DPYSL3: variants seen among roughly 807,000 people sequenced by gnomAD.
DPYSL3 encodes dihydropyrimidinase like 3.
DPYSL3 carries 16 observed loss-of-function variants against 66.1 expected under a neutral mutation model. That is an observed-to-expected ratio of 0.24 (90% CI 0.16 to 0.37). The LOEUF (loss-of-function observed/expected upper bound fraction) is 0.37, where lower values mean the gene tolerates loss of function less well. Among genes scored for constraint, DPYSL3 ranks in the 10% least tolerant of loss-of-function variants. DPYSL3 has a pLI of 1.00. For missense variants in DPYSL3, 738 were observed against 916.2 expected, an observed-to-expected ratio of 0.81 and a Z score of 2.51; for synonymous variants, 338 against 345.1, an observed-to-expected ratio of 0.98 and a Z score of 0.23.
chr5:147,489,604 C>T (rs1244107072), intron 1 of DPYSL3, among the ~76,000 whole-genome samples: 2 of 152,154 alleles, frequency 1.3e-5, no homozygotes, highest in Non-Finnish European at 2.9e-5. Flanking sequence ...CCTTGAACCT[C>T]ATATTTGTGC....
chr5:147,460,501 A>G (rs936770456), intron 1 of DPYSL3, among the ~76,000 whole-genome samples: 3 of 152,188 alleles, frequency 2.0e-5, no homozygotes, highest in Non-Finnish European at 2.9e-5. Context: ...TGATTAAGTT[A>G]AGGATCTTGA....
intron 1 of DPYSL3, among the ~76,000 whole-genome samples, chr5:147,476,758 AC>A (rs1277976224): frequency 3.9e-5 from 6 of 152,158 alleles, no homozygotes; most frequent in Admixed American, 3.9e-4. Flanking sequence ...ACAATAGAAG[AC>A]CCTCAGGTAA....
chr5:147,510,012 C>G lies in DPYSL3; in HGVS notation c.-154G>C, dbSNP rs1409566710. 5.5e-6 allele frequency: 7 copies of G among 1,264,028 alleles called. No homozygotes were observed. The highest frequency in any genetic ancestry group is 7.3e-6 in the Non-Finnish European group (7 of 953,400). 78.3% of individuals were successfully genotyped at this position (1,264,028 alleles called of 1,614,324 possible). A position where few individuals can be genotyped will look rare whatever the true frequency, so the allele number is the denominator to read the frequency against. On this transcript the variant is annotated 5_prime_UTR_variant, in exon 1 of 14. Transcript: ENST00000343218. ...CAGTGCTGCTCCGATTCCTGCTTGT[C>G]CCTAGCGAGCCAGCGAGCCACACAG...
intron 1 of DPYSL3, among the ~76,000 whole-genome samples, chr5:147,495,613 CAGAG>C (rs771189990): frequency 3.2e-4 from 49 of 152,256 alleles, no homozygotes; most frequent in African/African-American, 1.1e-3. Flanking sequence ...AACAGACAAA[CAGAG>C]AGCCAAATCA....
At chr5:147,443,519 T>C (rs928702915) in intron 1 of DPYSL3, among the ~76,000 whole-genome samples, 8 of 150,468 alleles carry the variant, frequency 5.3e-5, no homozygotes, top group Non-Finnish European at 7.4e-5. Flanking sequence ...AGAGGATGGG[T>C]CAATAGGTGC....
intron 1 of DPYSL3, among the ~76,000 whole-genome samples, chr5:147,466,861 A>G (rs1276037584): frequency 1.3e-5 from 2 of 152,066 alleles, no homozygotes; most frequent in African/African-American, 4.8e-5. Context: ...TTTGCGGGGG[A>G]AAGTAGGGAT....
chr5:147,434,763 G>A (rs1752386576), intron 1 of DPYSL3, among the ~76,000 whole-genome samples: 1 of 152,052 alleles, frequency 6.6e-6, no homozygotes, highest in Non-Finnish European at 1.5e-5. Flanking sequence ...ACAGGGAGGG[G>A]ATGAACTGGT....
chr5:147,409,831 C>T (rs560721595), intron 6 of DPYSL3, among the ~76,000 whole-genome samples: 113 of 152,298 alleles, frequency 7.4e-4, no homozygotes, highest in East Asian at 7.7e-4. Flanking sequence ...CAAGCCTAGT[C>T]TCACTTTGAA....
At chr5:147,477,850 G>A (rs921369068) in intron 1 of DPYSL3, among the ~76,000 whole-genome samples, 3 of 151,870 alleles carry the variant, frequency 2.0e-5, no homozygotes, top group African/African-American at 7.3e-5. Flanking sequence ...CCAAAGTGCT[G>A]GGATTACAGG....
intron 1 of DPYSL3, chr5:147,453,802 C>G: frequency 8.0e-7 from 1 of 1,250,678 alleles, no homozygotes; most frequent in Non-Finnish European, 1.0e-6. Context: ...TCACCCCCGC[C>G]CCCCCACGCA....
At chr5:147,434,823 G>A (rs1198096409) in intron 1 of DPYSL3, among the ~76,000 whole-genome samples, 4 of 152,116 alleles carry the variant, frequency 2.6e-5, no homozygotes, top group Non-Finnish European at 1.5e-5. Context: ...TGTCCTAGAC[G>A]ATACTGCAAT....
At chr5:147,400,557 T>A (rs764534381) in intron 10 of DPYSL3, 135 bp downstream of exon 10, 21 of 1,236,566 alleles carry the variant, frequency 1.7e-5, no homozygotes, top group Non-Finnish European at 2.4e-5. Flanking sequence ...AGCCACATGG[T>A]TCCAGAGACA....
chr5:147,404,173 T>C (rs1758273770), intron 8 of DPYSL3, among the ~76,000 whole-genome samples: 1 of 152,224 alleles, frequency 6.6e-6, no homozygotes. Context: ...GCTGCTTTCC[T>C]GGTTCTCGCC....
intron 1 of DPYSL3, chr5:147,453,533 C>G: frequency 6.6e-7 from 1 of 1,525,294 alleles, no homozygotes; most frequent in South Asian, 1.2e-5. Flanking sequence ...GAGGGAGCAG[C>G]GGCGCCCGGA....
intron 1 of DPYSL3, among the ~76,000 whole-genome samples, chr5:147,439,801 T>C (rs921798283): frequency 1.3e-5 from 2 of 152,208 alleles, no homozygotes; most frequent in Non-Finnish European, 2.9e-5. Context: ...ACAGCTAATA[T>C]ACAGTTAGCT....
chr5:147,426,074 AT>A (rs1324535595), intron 1 of DPYSL3, among the ~76,000 whole-genome samples: 2 of 152,120 alleles, frequency 1.3e-5, no homozygotes, highest in African/African-American at 2.4e-5. Flanking sequence ...CAGGTCATTG[AT>A]TTTATGGAGC....
intron 1 of DPYSL3, among the ~76,000 whole-genome samples, chr5:147,497,233 C>T (rs1294404917): frequency 7.5e-6 from 1 of 133,600 alleles, no homozygotes; most frequent in East Asian, 2.2e-4. Flanking sequence ...GGGAACATCA[C>T]ACACCAGGGA....
intron 1 of DPYSL3, among the ~76,000 whole-genome samples, chr5:147,455,061 A>G (rs1752821849): frequency 1.3e-5 from 2 of 152,364 alleles, no homozygotes; most frequent in South Asian, 4.1e-4. Context: ...GTCACTAAGC[A>G]TGACTAAAGC....
chr5:147,399,454 C>T (rs1047301082), intron 10 of DPYSL3, among the ~76,000 whole-genome samples: 5 of 150,786 alleles, frequency 3.3e-5, no homozygotes, highest in African/African-American at 1.2e-4. Context: ...TGGTCAAACA[C>T]ATGGTTTAAG....
Sources: gnomAD v4.1 joint callset for allele counts (sites outside exome capture counted in the v4.1 genomes callset) on GRCh38, gnomAD v4.1.1 for gene constraint, MANE v1.5 for transcripts, NCBI Gene and HGNC (gene_info 2026-07-23, HGNC 2026-07-21) for gene names.